PTPRD: variants seen among roughly 807,000 people sequenced by gnomAD.
The protein encoded by PTPRD is protein tyrosine phosphatase receptor type D, also known as receptor-type tyrosine-protein phosphatase delta.
Under a neutral mutation model 214.5 loss-of-function variants are expected in PTPRD, and 34 were observed. The ratio of observed to expected loss-of-function variants is 0.16; its 90% CI spans 0.12 to 0.21. PTPRD has a LOEUF of 0.21. Ranked by LOEUF, PTPRD falls within the 10% of genes least tolerant of loss-of-function variation. PTPRD has a pLI of 1.00. For missense variants in PTPRD, 2,545 were observed against 2,398.7 expected, an observed-to-expected ratio of 1.06 and a Z score of -1.27; for synonymous variants, 1,128 against 845.7, an observed-to-expected ratio of 1.33 and a Z score of -5.79.
At chr9:9,374,484 A>G (rs373919055) in intron 9 of PTPRD, among the ~76,000 whole-genome samples, 42 of 152,164 alleles carry the variant, frequency 2.8e-4, no homozygotes, top group African/African-American at 9.7e-4. Flanking sequence ...ACTATAACAT[A>G]AAGTAAAAGC....
At chr9:8,379,632 C>A (rs1161245514) in intron 37 of PTPRD, among the ~76,000 whole-genome samples, 1 of 152,082 alleles carries the variant, frequency 6.6e-6, no homozygotes, top group Non-Finnish European at 1.5e-5. Flanking sequence ...CTTTCCTTCC[C>A]CTACTCGGTC....
rs2084696104 is a variant in PTPRD at position 8,558,078 on chromosome 9, A to G, written c.353-29299T>C. 2.0e-5 allele frequency among the ~76,000 whole-genome samples: 3 copies of G among 152,174 alleles called. No individual in the cohort carries two copies. In the South Asian group the frequency reaches 6.2e-4, roughly 32 times the overall value. ...GCCTTTGATTCTTTTCCCGATATAG[A>G]AATAATGATGTGTGTCAGACAATTT... On this transcript the variant is annotated intron_variant, in intron 14 of 45. Transcript: ENST00000381196.
intron 9 of PTPRD, among the ~76,000 whole-genome samples, chr9:9,310,157 G>A (rs982852994): frequency 5.3e-5 from 8 of 152,088 alleles, no homozygotes; most frequent in East Asian, 1.9e-4. Context: ...CACATAGGTC[G>A]TTACTGTTTT....
chr9:10,033,974 G>A (rs942337777), intron 3 of PTPRD, among the ~76,000 whole-genome samples, 184 bp from the exon 4 acceptor site: 19 of 152,048 alleles, frequency 1.2e-4, no homozygotes, highest in African/African-American at 4.3e-4. Flanking sequence ...TTTCTTTGAT[G>A]TAAAGTATTG....
rs953202322 is a variant in PTPRD at position 9,366,484 on chromosome 9, T to C, written c.-203+30965A>G. On this transcript the variant is annotated intron_variant, in intron 9 of 45. Coordinates refer to ENST00000381196, the MANE Select transcript of PTPRD (RefSeq NM_002839.4). ...GGAAAGCTTAATTTATAATGCCAAG[T>C]GAGATTACTGAAATTCAGCATTTTA... Among the ~76,000 whole-genome samples, 3 of 151,488 alleles carry C rather than the reference T, an allele frequency of 2.0e-5. No individual in the cohort carries two copies. The East Asian group carries it at 5.8e-4, about 29-fold the overall frequency.
At chr9:8,485,139 G>A (rs545219657) in intron 29 of PTPRD, 88 bp downstream of exon 29, 168 of 1,084,924 alleles carry the variant, frequency 1.5e-4, no homozygotes, top group Non-Finnish European at 2.2e-4. Flanking sequence ...AAAACAAAGT[G>A]GTCTGCTTGC....
chr9:8,895,248 T>G (rs777855730), intron 11 of PTPRD, among the ~76,000 whole-genome samples: 1 of 152,178 alleles, frequency 6.6e-6, no homozygotes, highest in Non-Finnish European at 1.5e-5. Flanking sequence ...AAAGCCTCTA[T>G]GAGACTATTT....
chr9:8,838,163 T>C (rs2097478562), intron 11 of PTPRD, among the ~76,000 whole-genome samples: 1 of 151,496 alleles, frequency 6.6e-6, no homozygotes, highest in Non-Finnish European at 1.5e-5. Context: ...CACAGATGTA[T>C]AAAAAAATTA....
At position 10,268,404 on chromosome 9, in the gene PTPRD, A is replaced by G. The variant is rs538441251; in HGVS notation, c.-545+72559T>C. Among the ~76,000 whole-genome samples the G allele has an allele frequency of 1.1e-4, 17 of 151,932 alleles. No individual in the cohort carries two copies. In the South Asian group the frequency reaches 1.5e-3, roughly 13 times the overall value. On this transcript the variant is annotated intron_variant, in intron 3 of 45. Coordinates refer to ENST00000381196, the MANE Select transcript of PTPRD (RefSeq NM_002839.4). ...AAATGTTCTAAATTTGTAACTATGT[A>G]TTATACTAATAGTTTTCTTAGGGAT...
intron 3 of PTPRD, among the ~76,000 whole-genome samples, chr9:10,119,689 G>C (rs2098759520): frequency 6.6e-6 from 1 of 151,938 alleles, no homozygotes; most frequent in South Asian, 2.1e-4. Context: ...TAATTTAAAA[G>C]TAGATGCAAA....
chr9:9,705,536 T>C (rs1595673875), intron 7 of PTPRD, among the ~76,000 whole-genome samples: 1 of 152,106 alleles, frequency 6.6e-6, no homozygotes, highest in South Asian at 2.1e-4. Context: ...GAAACTGTAC[T>C]CTCAAGCACT....
At chr9:9,958,455 C>T (rs1445470935) in intron 4 of PTPRD, among the ~76,000 whole-genome samples, 2 of 152,080 alleles carry the variant, frequency 1.3e-5, no homozygotes, top group African/African-American at 2.4e-5. Context: ...TGCTTGAACC[C>T]AGGAGGCAGA....
chr9:9,770,314 A>G (rs1402145205), intron 5 of PTPRD, among the ~76,000 whole-genome samples: 1 of 152,194 alleles, frequency 6.6e-6, no homozygotes, highest in Admixed American at 6.5e-5. Flanking sequence ...ACAGCGTGAG[A>G]GAAATTTTAT....
intron 10 of PTPRD, among the ~76,000 whole-genome samples, chr9:9,165,088 G>C (rs561185310): frequency 6.6e-6 from 1 of 151,068 alleles, no homozygotes; most frequent in South Asian, 2.1e-4. Context: ...AACATTTACT[G>C]GTTTCTTTTT....
chr9:9,836,401 T>A (rs1172087386), intron 5 of PTPRD, among the ~76,000 whole-genome samples: 1 of 152,164 alleles, frequency 6.6e-6, no homozygotes, highest in Admixed American at 6.6e-5. Flanking sequence ...AATGGGCTCA[T>A]TACCCACGTG....
chr9:8,837,361 AG>A (rs1333262307), intron 11 of PTPRD, among the ~76,000 whole-genome samples: 1 of 152,184 alleles, frequency 6.6e-6, no homozygotes, highest in Non-Finnish European at 1.5e-5. Flanking sequence ...AGGAAACATG[AG>A]GCATATAAAG....
chr9:9,838,222 T>C (rs980383648), intron 5 of PTPRD, among the ~76,000 whole-genome samples: 5 of 152,322 alleles, frequency 3.3e-5, no homozygotes, highest in African/African-American at 4.8e-5. Flanking sequence ...AGTGCTGCAA[T>C]AAACATAGGT....
chr9:8,449,637 A>G (rs1231051118), intron 34 of PTPRD, 88 bp downstream of exon 34: 1 of 1,189,102 alleles, frequency 8.4e-7, no homozygotes, highest in African/African-American at 1.5e-5. Context: ...GGCTCAAAAT[A>G]AAGTGATACC....
At chr9:8,341,394 T>G (rs948778970) in intron 40 of PTPRD, 126 bp from the exon 41 acceptor site, 11 of 1,030,992 alleles carry the variant, frequency 1.1e-5, no homozygotes, top group Non-Finnish European at 1.2e-5. Context: ...AGTAAATGAC[T>G]ATTCAAATTG....
Sources: gnomAD v4.1 joint callset for allele counts (sites outside exome capture counted in the v4.1 genomes callset) on GRCh38, gnomAD v4.1.1 for gene constraint, MANE v1.5 for transcripts, NCBI Gene and HGNC (gene_info 2026-07-23, HGNC 2026-07-21) for gene names.